Variants in L3MBTL4 observed in about 807,000 individuals in gnomAD.
L3MBTL4 encodes the protein L3MBTL histone methyl-lysine binding protein 4, also known as lethal(3)malignant brain tumor-like protein 4.
In L3MBTL4, 70 loss-of-function variants were observed where a neutral mutation model predicts 84.5. That is an observed-to-expected ratio of 0.83 (90% confidence interval 0.68 to 1.01). The LOEUF (loss-of-function observed/expected upper bound fraction) is 1.01, where lower values mean the gene tolerates loss of function less well. Among genes scored for constraint, L3MBTL4 ranks in the 50% least tolerant of loss-of-function variants. L3MBTL4 has a pLI of 0.00. For synonymous variants in L3MBTL4, 274 were observed against 259.8 expected (o/e 1.05, Z -0.52); for missense variants, 715 against 754.8 (o/e 0.95, Z 0.62).
chr18:6,004,997 ATTTT>A (rs60294342), intron 16 of L3MBTL4, among the ~76,000 whole-genome samples: 12 of 52,158 alleles, frequency 2.3e-4, no homozygotes, highest in Non-Finnish European at 3.5e-4. Context: ...TAAGATGATA[ATTTT>A]TTTTTTTTTT....
chr18:6,278,802 C>T (rs1010027394), intron 4 of L3MBTL4, among the ~76,000 whole-genome samples: 3 of 151,836 alleles, frequency 2.0e-5, no homozygotes, highest in African/African-American at 7.3e-5. Context: ...ATCACCTGGT[C>T]CTTCCAGGTG....
chr18:6,345,855 C>G (rs1460336945), intron 1 of L3MBTL4, among the ~76,000 whole-genome samples: 1 of 151,872 alleles, frequency 6.6e-6, no homozygotes, highest in Admixed American at 6.6e-5. Context: ...CAAAAGACCA[C>G]TAATAGCCAA....
chr18:6,251,796 AG>A (rs2047934494), intron 5 of L3MBTL4, among the ~76,000 whole-genome samples: 1 of 152,224 alleles, frequency 6.6e-6, no homozygotes, highest in Non-Finnish European at 1.5e-5. Context: ...GTGTGAAAAC[AG>A]TGCCAAGGGG....
rs186909714 is a variant in L3MBTL4 at position 6,107,288 on chromosome 18, G to T, written c.1200-13760C>A. ...AGGAGACAGAGCCAATGGGCTGAGG[G>T]GTGGGCCTGGGAAGGACCCTTCCTT... is the stretch of plus-strand genomic sequence containing the variant. On this transcript the variant is annotated intron_variant, in intron 14 of 18. Transcript: ENST00000317931. Among the ~76,000 whole-genome samples the T allele has an allele frequency of 2.0e-5, 3 of 152,292 alleles. No individual in the cohort carries two copies. The South Asian group carries it at 6.2e-4, about 32-fold the overall frequency.
intron 12 of L3MBTL4, among the ~76,000 whole-genome samples, chr18:6,173,479 CA>C (rs1199256741): frequency 2.0e-5 from 3 of 151,954 alleles, no homozygotes; most frequent in East Asian, 1.9e-4. Context: ...GACAGAACTA[CA>C]AAAAAGGGGG....
intron 13 of L3MBTL4, among the ~76,000 whole-genome samples, chr18:6,158,491 T>C (rs947353930): frequency 1.3e-5 from 2 of 152,058 alleles, no homozygotes; most frequent in African/African-American, 2.4e-5. Flanking sequence ...GAGAAAGGAA[T>C]AAGCGTAGTG....
At chr18:6,354,402 C>G (rs2053341315) in intron 1 of L3MBTL4, among the ~76,000 whole-genome samples, 1 of 152,098 alleles carries the variant, frequency 6.6e-6, no homozygotes, top group South Asian at 2.1e-4. Context: ...CCCACAAGCA[C>G]AGGCAACCAA....
intron 14 of L3MBTL4, among the ~76,000 whole-genome samples, chr18:6,109,324 C>T (rs2059116102): frequency 1.3e-5 from 2 of 152,092 alleles, no homozygotes; most frequent in Non-Finnish European, 2.9e-5. Flanking sequence ...ACCATGTGCG[C>T]AGGCATTATG....
chr18:6,029,774 C>T (rs2055692020), intron 16 of L3MBTL4: 6 of 985,052 alleles, frequency 6.1e-6, no homozygotes, highest in South Asian at 9.4e-5. Flanking sequence ...AAAAGTTGTA[C>T]CAGAAAAACT....
intron 4 of L3MBTL4, among the ~76,000 whole-genome samples, chr18:6,296,367 G>C (rs901973577): frequency 6.6e-6 from 1 of 152,202 alleles, no homozygotes; most frequent in Non-Finnish European, 1.5e-5. Context: ...TTATTGGTCT[G>C]ATTGGACTGA....
chr18:6,271,133 C>T (rs372842774), intron 4 of L3MBTL4, among the ~76,000 whole-genome samples: 4 of 152,018 alleles, frequency 2.6e-5, no homozygotes, highest in African/African-American at 9.7e-5. Context: ...TTTTGTTTTT[C>T]GTTTGTTTTT....
rs534664582 is a variant in L3MBTL4 at position 6,233,368 on chromosome 18, G to A, written c.784+4596C>T. ...TAAAGGATATTCAATTAGGAAAAGA[G>A]GAAGGCAAATTGTCCCTGTTTGCAG... On this transcript the variant is annotated intron_variant, in intron 10 of 18. Transcript: ENST00000317931. Among the ~76,000 whole-genome samples, 7 of 149,824 alleles carry A rather than the reference G, an allele frequency of 4.7e-5. No individual in the cohort carries two copies. The South Asian group carries it at 1.4e-3, about 31-fold the overall frequency.
At chr18:6,365,252 G>A (rs1176490578) in intron 1 of L3MBTL4, among the ~76,000 whole-genome samples, 2 of 152,080 alleles carry the variant, frequency 1.3e-5, no homozygotes, top group East Asian at 3.9e-4. Context: ...TAAACATTAT[G>A]TTTTACACAG....
chr18:6,230,549 G>C (rs2046956605), intron 10 of L3MBTL4, among the ~76,000 whole-genome samples: 1 of 152,136 alleles, frequency 6.6e-6, no homozygotes, highest in South Asian at 2.1e-4. Flanking sequence ...GCATACACAT[G>C]CATGTGTCTT....
intron 12 of L3MBTL4, among the ~76,000 whole-genome samples, chr18:6,211,094 A>G: frequency 6.6e-6 from 1 of 152,228 alleles, no homozygotes; most frequent in East Asian, 1.9e-4. Context: ...GAGTAACTTC[A>G]CCAAGTTACC....
In L3MBTL4 at chr18:6,386,002, A is replaced by G. The variant is rs534775890; in HGVS notation, c.-91+28799T>C. 9.8e-5 allele frequency among the ~76,000 whole-genome samples: 15 copies of G among 152,340 alleles called. No individual in the cohort carries two copies. The South Asian group carries it at 3.1e-3, about 32-fold the overall frequency. On this transcript the variant is annotated intron_variant, in intron 1 of 18. Transcript: ENST00000317931. ...GACACTCAAAAGCACCTGAACAAGCACTGAGGGAAGACTAGAATTTCCTAA... is the reference window on the plus strand; with the variant it reads ...GACACTCAAAAGCACCTGAACAAGCGCTGAGGGAAGACTAGAATTTCCTAA...
chr18:5,993,384 C>G (rs948400099), intron 16 of L3MBTL4, among the ~76,000 whole-genome samples: 5 of 152,200 alleles, frequency 3.3e-5, no homozygotes, highest in African/African-American at 1.2e-4. Context: ...ACTGAGCAAG[C>G]CACGGGTCTC....
chr18:6,061,472 C>A (rs1206822742), intron 16 of L3MBTL4, among the ~76,000 whole-genome samples: 1 of 151,958 alleles, frequency 6.6e-6, no homozygotes, highest in Non-Finnish European at 1.5e-5. Context: ...TTTCATATAA[C>A]AGAAATGTTT....
chr18:6,156,595 AG>A (rs1482878818), intron 13 of L3MBTL4, among the ~76,000 whole-genome samples: 1 of 152,212 alleles, frequency 6.6e-6, no homozygotes, highest in African/African-American at 2.4e-5. Flanking sequence ...AAAGCTGAAA[AG>A]TCTCTGCGTG....
Sources: gnomAD v4.1 joint callset for allele counts (sites outside exome capture counted in the v4.1 genomes callset) on GRCh38, gnomAD v4.1.1 for gene constraint, MANE v1.5 for transcripts, NCBI Gene and HGNC (gene_info 2026-07-23, HGNC 2026-07-21) for gene names.